SHISA9: variants seen among roughly 807,000 people sequenced by gnomAD.
SHISA9 encodes protein shisa-9.
A neutral mutation model predicts 38.0 loss-of-function variants in SHISA9; 13 were observed. The observed-to-expected ratio is 0.34, with a 90% confidence interval of 0.22 to 0.54. The LOEUF is 0.54. SHISA9 is among the 20% of genes least tolerant of loss of function. SHISA9 has a pLI of 0.91. For synonymous variants in SHISA9, 275 were observed against 242.0 expected, an observed-to-expected ratio of 1.14 and a Z score of -1.27; for missense variants, 538 against 575.8, an observed-to-expected ratio of 0.93 and a Z score of 0.67.
chr16:13,235,431 C>G lies in SHISA9; in HGVS notation c.*22C>G, dbSNP rs2051373470. On this transcript the variant is annotated 3_prime_UTR_variant, in exon 5 of 5. Transcript: ENST00000558583. ...CTGAGCTTTCACCACAGGGAGCACCCTGGAGACCACACTCAACTGAGAGAG... is the reference window on the plus strand; with the variant it reads ...CTGAGCTTTCACCACAGGGAGCACCGTGGAGACCACACTCAACTGAGAGAG... 1.3e-6 allele frequency: 2 copies of G among 1,521,570 alleles called. No individual in the cohort carries two copies. Among genetic ancestry groups the G allele is most frequent in the African/African-American group, 1.4e-5 (1 of 72,590 alleles). 94.3% of individuals were successfully genotyped at this position (1,521,570 alleles called of 1,614,324 possible).
the SHISA9 span, among the ~76,000 whole-genome samples, chr16:13,540,579 C>G: frequency 6.6e-6 from 1 of 152,156 alleles, no homozygotes; most frequent in Non-Finnish European, 1.5e-5. Flanking sequence ...TTGTCTCATT[C>G]CCCATTCCCC....
At chr16:13,100,527 G>A (rs1447497883) in intron 2 of SHISA9, among the ~76,000 whole-genome samples, 3 of 152,120 alleles carry the variant, frequency 2.0e-5, no homozygotes, top group Non-Finnish European at 2.9e-5. Flanking sequence ...TGTGGGTATA[G>A]CTTGTACAGG....
At chr16:13,396,275 G>T in the SHISA9 span, among the ~76,000 whole-genome samples, 1 of 152,212 alleles carries the variant, frequency 6.6e-6, no homozygotes, top group Non-Finnish European at 1.5e-5. Flanking sequence ...GGGAGGCCGA[G>T]GCCGGCGGAT....
chr16:13,268,552 A>T, the SHISA9 span, among the ~76,000 whole-genome samples: 1 of 152,118 alleles, frequency 6.6e-6, no homozygotes, highest in African/African-American at 2.4e-5. Context: ...TGAGAAATTC[A>T]TGTTGTACAA....
chr16:13,303,505 T>C, the SHISA9 span, among the ~76,000 whole-genome samples: 1 of 152,158 alleles, frequency 6.6e-6, no homozygotes, highest in African/African-American at 2.4e-5. Flanking sequence ...AGGTCACATA[T>C]TGTACAATTC....
At chr16:13,508,362 T>G in the SHISA9 span, among the ~76,000 whole-genome samples, 1 of 152,252 alleles carries the variant, frequency 6.6e-6, no homozygotes, top group African/African-American at 2.4e-5. Context: ...TATTGAGCTT[T>G]GAAGTGTTTT....
the SHISA9 span, among the ~76,000 whole-genome samples, chr16:13,413,543 G>A: frequency 6.6e-6 from 1 of 152,034 alleles, no homozygotes; most frequent in Non-Finnish European, 1.5e-5. Context: ...ATTACATGAG[G>A]TCAAGAGTTC....
chr16:12,902,684 C>A, intron 1 of SHISA9, 57 bp downstream of exon 1: 3 of 1,432,498 alleles, frequency 2.1e-6, no homozygotes, highest in East Asian at 2.5e-5. Flanking sequence ...GCTCTCTCCT[C>A]CCCACCTTCC....
chr16:13,395,506 C>T, the SHISA9 span, among the ~76,000 whole-genome samples: 5 of 152,234 alleles, frequency 3.3e-5, no homozygotes, highest in South Asian at 6.2e-4. Flanking sequence ...GTGTCTGAGA[C>T]TGAATGGCTT....
At chr16:13,022,334 A>T (rs546288961) in intron 2 of SHISA9, among the ~76,000 whole-genome samples, 4 of 145,868 alleles carry the variant, frequency 2.7e-5, no homozygotes, top group Admixed American at 1.4e-4. Flanking sequence ...ACATTAAAAA[A>T]ATTTTTTTTT....
intron 2 of SHISA9, among the ~76,000 whole-genome samples, chr16:13,027,933 C>CAAAA (rs1240201539): frequency 2.9e-4 from 30 of 103,708 alleles, no homozygotes; most frequent in East Asian, 1.3e-3. Context: ...GTCTCAAAAA[C>CAAAA]AAAAAAAAAA....
rs573322950 is a variant in SHISA9, at chr16:13,216,147, A to G, written c.895+2847A>G. 4.1e-5 allele frequency among the ~76,000 whole-genome samples: 6 copies of G among 145,818 alleles called. No homozygotes were observed. In the South Asian group the frequency reaches 1.3e-3, roughly 32 times the overall value. ...GTTTGCAGTGAGCCAAGATCATGCCACTGCACTCCACCCTGGGCGGCAGAG... is the reference window on the plus strand; with the variant it reads ...GTTTGCAGTGAGCCAAGATCATGCCGCTGCACTCCACCCTGGGCGGCAGAG... On this transcript the variant is annotated intron_variant, in intron 4 of 4. Coordinates refer to ENST00000558583, the MANE Select transcript of SHISA9 (RefSeq NM_001145204.3).
In SHISA9 at chr16:13,233,569, T is replaced by C. The variant is rs2051352589; in HGVS notation, c.896-1461T>C. Among the ~76,000 whole-genome samples the C allele has an allele frequency of 2.0e-5, 3 of 152,330 alleles. No individual in the cohort carries two copies. The South Asian group carries it at 6.2e-4, about 32-fold the overall frequency. On this transcript the variant is annotated intron_variant, in intron 4 of 4. Coordinates refer to ENST00000558583, the MANE Select transcript of SHISA9 (RefSeq NM_001145204.3). ...CTGTCAGCTGAGTTTCAACCAGCAC[T>C]CAATTCTACCACAGCAGAACAAAAG... is the stretch of plus-strand genomic sequence containing the variant.
At chr16:13,162,509 G>A (rs2050603701) in intron 2 of SHISA9, among the ~76,000 whole-genome samples, 1 of 152,142 alleles carries the variant, frequency 6.6e-6, no homozygotes. Flanking sequence ...TAATACACGA[G>A]ACTGATTGCT....
the SHISA9 span, among the ~76,000 whole-genome samples, chr16:13,478,868 G>A: frequency 2.0e-5 from 3 of 152,140 alleles, no homozygotes; most frequent in African/African-American, 2.4e-5. Flanking sequence ...TAAGCCACCT[G>A]GGCGATTCTG....
the SHISA9 span, among the ~76,000 whole-genome samples, chr16:13,479,087 C>T: frequency 6.6e-6 from 1 of 152,134 alleles, no homozygotes; most frequent in Non-Finnish European, 1.5e-5. Context: ...GAATCCCATT[C>T]CTTGCCTTTT....
the SHISA9 span, among the ~76,000 whole-genome samples, chr16:13,393,725 A>C: frequency 1.3e-5 from 2 of 152,188 alleles, no homozygotes; most frequent in Non-Finnish European, 2.9e-5. Context: ...TCTGATGACC[A>C]TGAGTAACTG....
At chr16:13,273,706 C>T in the SHISA9 span, among the ~76,000 whole-genome samples, 1 of 152,114 alleles carries the variant, frequency 6.6e-6, no homozygotes, top group South Asian at 2.1e-4. Context: ...AATGGGAATG[C>T]CTATTGCACA....
At chr16:13,257,983 T>G in the SHISA9 span, among the ~76,000 whole-genome samples, 1 of 152,228 alleles carries the variant, frequency 6.6e-6, no homozygotes, top group African/African-American at 2.4e-5. Flanking sequence ...GTATGCCCTG[T>G]GTGGATGGAT....
Sources: gnomAD v4.1 joint callset for allele counts (sites outside exome capture counted in the v4.1 genomes callset) on GRCh38, gnomAD v4.1.1 for gene constraint, MANE v1.5 for transcripts, NCBI Gene and HGNC (gene_info 2026-07-23, HGNC 2026-07-21) for gene names.